Variants in APOM observed in about 807,000 individuals in gnomAD.
APOM encodes NG20-like protein.
In APOM, 24 loss-of-function variants were observed where a neutral mutation model predicts 23.5. The observed-to-expected ratio is 1.02, with a 90% CI of 0.74 to 1.44. The LOEUF (loss-of-function observed/expected upper bound fraction) is 1.44, where lower values mean the gene tolerates loss of function less well. Ranked by LOEUF, APOM falls within the 40% of genes most tolerant of loss-of-function variation. APOM has a pLI of 0.00. For missense variants in APOM, 200 were observed against 233.2 expected, an observed-to-expected ratio of 0.86 and a Z score of 0.93; for synonymous variants, 82 against 84.1, an observed-to-expected ratio of 0.97 and a Z score of 0.14.
intron 1 of APOM, 102 bp downstream of exon 1, chr6:31,656,182 G>C (rs1372303842): frequency 2.1e-6 from 2 of 950,332 alleles, no homozygotes; most frequent in Non-Finnish European, 3.2e-6. Flanking sequence ...AAGAGAGGAA[G>C]GGGGTGTGAG....
rs540556905 is a variant in APOM at position 31,658,099 on chromosome 6, T to C, written c.*10T>C. On this transcript the variant is annotated 3_prime_UTR_variant, in exon 6 of 6. Coordinates refer to ENST00000375916, the MANE Select transcript of APOM (RefSeq NM_019101.3). The stretch of plus-strand genomic sequence containing the variant: ...GCTGTCCAATAACTGACCTGTAACT[T>C]CATCTAAGTCCCCAGATGGGTACAA... 37 of 1,614,014 alleles carry C rather than the reference T, an allele frequency of 2.3e-5. No homozygotes were observed. In the South Asian group the frequency reaches 4.0e-4, roughly 17 times the overall value.
At chr6:31,653,774 C>T (rs1171808644), upstream of APOM, among the ~76,000 whole-genome samples, 5 of 152,072 alleles carry the variant, frequency 3.3e-5, no homozygotes, top group Admixed American at 6.5e-5. Flanking sequence ...CTCTGCCTCC[C>T]GAGCCCAACC....
At chr6:31,655,837 G>C, upstream of APOM, 2 of 631,970 alleles carry the variant, frequency 3.2e-6, no homozygotes, top group East Asian at 2.8e-5. Flanking sequence ...AAACAAGGTT[G>C]AAGTTACTCA....
At chr6:31,657,869 T>C (rs1800307126) in intron 5 of APOM, 146 bp downstream of exon 5, 10 of 960,086 alleles carry the variant, frequency 1.0e-5, no homozygotes, top group Non-Finnish European at 1.6e-5. Flanking sequence ...GGTTCTGGGC[T>C]ACTCAAAAGA....
Position 31,658,206 on chromosome 6 carries a change from C to T in APOM, c.*117C>T. On this transcript the variant is annotated 3_prime_UTR_variant, in exon 6 of 6. Transcript: ENST00000375916. ...AAGATAATAAAGATAATTTTTCAAT[C>T]CTCATCTCATTCTGGGGTTTGTCTC... 1.6e-6 allele frequency: 2 copies of T among 1,227,264 alleles called. No individual in the cohort carries two copies. Among genetic ancestry groups the T allele is most frequent in the Non-Finnish European group, 2.4e-6 (2 of 834,156 alleles). The allele number at this position is 1,227,264 out of a possible 1,614,324, so 76.0% of individuals were successfully genotyped here.
chr6:31,657,667 A>G lies in APOM; in HGVS notation c.485A>G (p.Lys162Arg). The G allele has an allele frequency of 6.2e-7, 1 of 1,613,224 alleles. No individual in the cohort carries two copies. Among genetic ancestry groups the G allele is most frequent in the South Asian group, 1.1e-5 (1 of 91,082 alleles). Residue 162 changes from lysine to arginine, a missense_variant, in exon 5 of 6, where the codon AAG (lysine) becomes AGG (arginine). Physicochemically the swap from Lys to Arg is conservative, Grantham distance 26. Transcript: ENST00000375916. ...HPPEKCVEEF[K>R]SLTSCLDSKA... The stretch of plus-strand genomic sequence containing the variant: ...CCCGAAAAGTGTGTGGAGGAATTCA[A>G]GTCCCTGACTTCCTGCCTGGACTCC...
Position 31,658,141 on chromosome 6 carries a change from G to A in APOM, c.*52G>A. Reference sequence around the variant, plus strand: ...TGGGTACAATGGGAGCTGAGTTGTTGGAGGGAGAAGCTGGAGACTTCCAGC... The same window carrying A: ...TGGGTACAATGGGAGCTGAGTTGTTAGAGGGAGAAGCTGGAGACTTCCAGC... On this transcript the variant is annotated 3_prime_UTR_variant, in exon 6 of 6. Transcript: ENST00000375916. 1 of 1,596,762 alleles carries A rather than the reference G, an allele frequency of 6.3e-7. No individual in the cohort carries two copies. Among genetic ancestry groups the A allele is most frequent in the East Asian group, 2.2e-5 (1 of 44,786 alleles).
chr6:31,653,916 G>A (rs1799506859), upstream of APOM, among the ~76,000 whole-genome samples: 1 of 152,086 alleles, frequency 6.6e-6, no homozygotes, highest in African/African-American at 2.4e-5. Context: ...CTCCCAAAGT[G>A]CTGGGATTAT....
At chr6:31,654,536 C>T (rs1799801273), upstream of APOM, among the ~76,000 whole-genome samples, 1 of 152,078 alleles carries the variant, frequency 6.6e-6, no homozygotes. Flanking sequence ...AAAAAATTAG[C>T]TAGGCGTGAT....
chr6:31,653,415 T>G (rs573673103), upstream of APOM, among the ~76,000 whole-genome samples: 1 of 152,340 alleles, frequency 6.6e-6, no homozygotes, highest in African/African-American at 2.4e-5. Context: ...TGTTGGGGTG[T>G]CCAACCTTTC....
At chr6:31,654,232 G>A (rs890999495), upstream of APOM, among the ~76,000 whole-genome samples, 2 of 136,886 alleles carry the variant, frequency 1.5e-5, no homozygotes, top group African/African-American at 2.9e-5. Flanking sequence ...GCAACAGAAC[G>A]AGACTCCCAT....
At chr6:31,653,029 G>A (rs907193726), upstream of APOM, among the ~76,000 whole-genome samples, 2 of 152,116 alleles carry the variant, frequency 1.3e-5, no homozygotes, top group African/African-American at 4.8e-5. Context: ...GGCGGCACTG[G>A]TCAATTTTGT....
rs983140228 is a variant in APOM, at chr6:31,656,170, G to A, written c.114+90G>A. ...GATGACTGGAGACCATCTTGGGAAA[G>A]GAAGAGAGGAAGGGGGTGTGAGTGT... is the stretch of plus-strand genomic sequence containing the variant. On this transcript the variant is annotated intron_variant, in intron 1 of 5. Transcript: ENST00000375916. The A allele has an allele frequency of 1.8e-5, 19 of 1,028,162 alleles. No homozygotes were observed. The African/African-American group carries it at 2.6e-4, about 14-fold the overall frequency. The allele number at this position is 1,028,162 out of a possible 1,614,324, so 63.7% of individuals were successfully genotyped here.
chr6:31,655,171 GC>G (rs150863040), upstream of APOM, among the ~76,000 whole-genome samples: 461 of 152,260 alleles, frequency 3.0e-3, 10 homozygotes, highest in East Asian at 0.044. Flanking sequence ...GAACTCCTGG[GC>G]TCAAGCCATC....
At chr6:31,652,967 T>C (rs1422763520), upstream of APOM, among the ~76,000 whole-genome samples, 1 of 152,188 alleles carries the variant, frequency 6.6e-6, no homozygotes, top group Non-Finnish European at 1.5e-5. Context: ...TTGCCCTCGC[T>C]GCGCCCTTTC....
chr6:31,657,929 A>G, intron 5 of APOM, 135 bp from the exon 6 acceptor site: 1 of 1,040,930 alleles, frequency 9.6e-7, no homozygotes, highest in Non-Finnish European at 1.5e-6. Flanking sequence ...TCATACGTGG[A>G]GGGAAAAGAG....
chr6:31,654,612 G>A (rs747373844), upstream of APOM, among the ~76,000 whole-genome samples: 6 of 152,168 alleles, frequency 3.9e-5, no homozygotes, highest in Middle Eastern at 3.2e-3. Flanking sequence ...ATGCCTGGGC[G>A]ACAGAGTGAG....
rs770733076 is a variant in APOM at position 31,657,286 on chromosome 6, C to G, written c.331C>G (p.Leu111Val). 17 of 1,612,966 alleles carry G rather than the reference C, an allele frequency of 1.1e-5. No individual in the cohort carries two copies. In the South Asian group the frequency reaches 1.8e-4, roughly 17 times the overall value. ...CCACCTGACTGAAGGGAGCACAGAT[C>G]TCAGAACTGAAGGTTGGTTCTTCCC... The part of the protein sequence containing the change: ...IYHLTEGSTD[L>V]RTEGRPDMKT... Residue 111 changes from leucine to valine, a missense_variant, in exon 3 of 6, where the codon CTC becomes GTC. By Grantham distance (32) the Leu-to-Val change is conservative (BLOSUM62 1). Transcript: ENST00000375916.
chr6:31,653,718 G>A (rs1032840041), upstream of APOM, among the ~76,000 whole-genome samples: 4 of 152,100 alleles, frequency 2.6e-5, no homozygotes, highest in Non-Finnish European at 5.9e-5. Context: ...GTCTCGCTTT[G>A]TCGCCCAGGC....
Sources: gnomAD v4.1 joint callset for allele counts (sites outside exome capture counted in the v4.1 genomes callset) on GRCh38, gnomAD v4.1.1 for gene constraint, MANE v1.5 for transcripts, NCBI Gene and HGNC (gene_info 2026-07-23, HGNC 2026-07-21) for gene names.